Variants in FGF12 observed in about 807,000 individuals in gnomAD.
The protein encoded by FGF12 is fibroblast growth factor 12B.
A neutral mutation model predicts 23.6 loss-of-function variants in FGF12; 14 were observed. The observed-to-expected ratio is 0.59, with a 90% CI of 0.39 to 0.93. The LOEUF (loss-of-function observed/expected upper bound fraction) is 0.93. FGF12 is among the 40% of genes least tolerant of loss of function. The pLI, the probability that FGF12 is intolerant of heterozygous loss-of-function variation, is 0.00. For synonymous variants in FGF12, 62 were observed against 77.3 expected (o/e 0.80, Z 1.04); for missense variants, 175 against 217.8 (o/e 0.80, Z 1.24).
chr3:192,216,731 A>T (rs981712009), intron 4 of FGF12, among the ~76,000 whole-genome samples: 2 of 152,176 alleles, frequency 1.3e-5, no homozygotes, highest in African/African-American at 2.4e-5. Context: ...AAAATTGTGG[A>T]GCTGAAAATA....
intron 2 of FGF12, among the ~76,000 whole-genome samples, chr3:192,544,848 T>A (rs1725458079): frequency 1.3e-5 from 2 of 152,200 alleles, no homozygotes; most frequent in African/African-American, 2.4e-5. Context: ...GTCGTGAGTA[T>A]AGCAGACCTT....
intron 2 of FGF12, among the ~76,000 whole-genome samples, chr3:192,553,702 C>G (rs146216514): frequency 8.4e-4 from 128 of 152,228 alleles, no homozygotes; most frequent in African/African-American, 2.7e-3. Flanking sequence ...CCCCCCAACC[C>G]CCGGCTCAGA....
chr3:192,437,730 A>C (rs199902659), intron 2 of FGF12, among the ~76,000 whole-genome samples: 8,469 of 151,976 alleles, frequency 0.056, 269 homozygotes, highest in African/African-American at 0.087. Flanking sequence ...AAAAAAAAAA[A>C]CAGTGAGCAA....
chr3:192,563,767 G>A (rs1712147100), intron 2 of FGF12, among the ~76,000 whole-genome samples: 1 of 152,158 alleles, frequency 6.6e-6, no homozygotes, highest in Non-Finnish European at 1.5e-5. Context: ...TTGAACTTTG[G>A]ATCCAGATTG....
At chr3:192,187,594 A>G (rs2108642723) in intron 4 of FGF12, among the ~76,000 whole-genome samples, 1 of 152,342 alleles carries the variant, frequency 6.6e-6, no homozygotes, top group East Asian at 1.9e-4. Flanking sequence ...TTGCAGTCAA[A>G]GAATTTGCCA....
rs1296641033 is a variant in FGF12, at chr3:192,142,418, TAGG to T, written c.*1588_*1590del. 2 of 152,518 alleles carry T rather than the reference TAGG, an allele frequency of 1.3e-5. No individual in the cohort carries two copies. The highest frequency in any genetic ancestry group is 4.8e-5 in the African/African-American group (2 of 41,448). 9.4% of individuals were successfully genotyped at this position (152,518 alleles called of 1,614,324 possible). Reference sequence around the variant, plus strand: ...CAATACATGCTGGACAGTAGAGATATAGGAGAAGTTACATGCTATGTCTTCTCA... The same window carrying T: ...CAATACATGCTGGACAGTAGAGATATAGAAGTTACATGCTATGTCTTCTCA... On this transcript the variant is annotated 3_prime_UTR_variant, in exon 6 of 6. Transcript: ENST00000445105.
intron 4 of FGF12, among the ~76,000 whole-genome samples, chr3:192,171,201 T>C (rs78793432): frequency 6.6e-6 from 1 of 152,034 alleles, no homozygotes; most frequent in East Asian, 1.9e-4. Flanking sequence ...TCCTTAGTAA[T>C]CAAAATCTCA....
intron 2 of FGF12, among the ~76,000 whole-genome samples, chr3:192,414,279 G>A (rs1721280615): frequency 6.6e-6 from 1 of 152,154 alleles, no homozygotes; most frequent in South Asian, 2.1e-4. Context: ...ACTCTATGAG[G>A]TAAGTTCTGT....
intron 4 of FGF12, among the ~76,000 whole-genome samples, chr3:192,196,908 C>T (rs908377483): frequency 6.6e-6 from 1 of 151,634 alleles, no homozygotes; most frequent in Non-Finnish European, 1.5e-5. Flanking sequence ...CAGAAAATAA[C>T]TTAATAAGAC....
chr3:192,292,082 C>T (rs766139386), intron 4 of FGF12, among the ~76,000 whole-genome samples: 53 of 152,190 alleles, frequency 3.5e-4, no homozygotes, highest in Non-Finnish European at 5.6e-4. Context: ...CTAACATTCA[C>T]ACCAAATTTT....
intron 4 of FGF12, among the ~76,000 whole-genome samples, chr3:192,272,977 T>C (rs1713543076): frequency 6.6e-6 from 1 of 152,072 alleles, no homozygotes; most frequent in Admixed American, 6.6e-5. Flanking sequence ...GAGAAGAAAA[T>C]GGTGAATAAA....
intron 2 of FGF12, among the ~76,000 whole-genome samples, chr3:192,530,806 T>G (rs1008553909): frequency 6.6e-6 from 1 of 151,670 alleles, no homozygotes; most frequent in Non-Finnish European, 1.5e-5. Context: ...TTTTATGGTA[T>G]CTGAATTGCA....
intron 4 of FGF12, among the ~76,000 whole-genome samples, chr3:192,196,780 C>T (rs1191858528): frequency 6.6e-6 from 1 of 152,130 alleles, no homozygotes; most frequent in Non-Finnish European, 1.5e-5. Flanking sequence ...GACAATTTGA[C>T]AGTCTTGAGC....
At chr3:192,713,257 G>A (rs967905170) in intron 2 of FGF12, among the ~76,000 whole-genome samples, 3 of 152,176 alleles carry the variant, frequency 2.0e-5, no homozygotes, top group African/African-American at 7.2e-5. Context: ...ATGTGATAAA[G>A]GGAGAGACTT....
intron 2 of FGF12, among the ~76,000 whole-genome samples, chr3:192,701,105 A>C (rs187911768): frequency 6.6e-6 from 1 of 152,138 alleles, no homozygotes; most frequent in Admixed American, 6.5e-5. Flanking sequence ...TTTCATTTGC[A>C]TGATAAAACC....
At chr3:192,603,827 A>T (rs1385149435) in intron 2 of FGF12, among the ~76,000 whole-genome samples, 2 of 152,158 alleles carry the variant, frequency 1.3e-5, no homozygotes, top group African/African-American at 4.8e-5. Context: ...TATTGTCTTG[A>T]TAAACATCTT....
At position 192,514,332 on chromosome 3, in the gene FGF12, G is replaced by A. The variant is rs1251486172; in HGVS notation, c.14-153794C>T. On this transcript the variant is annotated intron_variant, in intron 2 of 5. Coordinates refer to ENST00000445105, the MANE Select transcript of FGF12 (RefSeq NM_004113.6). The surrounding 1 kb of genome is among the most constrained non-coding windows in gnomAD (Gnocchi z 4.9). ...ACTGAACAACTCCAAGTCGCGCGCC[G>A]CCCTCGCAAATCGCAGAGAGGGCCG... 6.6e-6 allele frequency among the ~76,000 whole-genome samples: 1 copy of A among 152,190 alleles called. No homozygotes were observed. The highest frequency in any genetic ancestry group is 1.9e-4 in the East Asian group (1 of 5,166).
At chr3:192,226,070 TG>T (rs1718717186) in intron 4 of FGF12, among the ~76,000 whole-genome samples, 1 of 152,130 alleles carries the variant, frequency 6.6e-6, no homozygotes. Context: ...TAAAACACAC[TG>T]AAGTCTCCAA....
At chr3:192,625,608 T>A (rs575655781) in intron 2 of FGF12, among the ~76,000 whole-genome samples, 1 of 152,102 alleles carries the variant, frequency 6.6e-6, no homozygotes, top group Non-Finnish European at 1.5e-5. Flanking sequence ...AGATTCTAGG[T>A]TTTTTCTTAA....
Sources: gnomAD v4.1 joint callset for allele counts (sites outside exome capture counted in the v4.1 genomes callset) on GRCh38, gnomAD v4.1.1 for gene constraint, Gnocchi (gnomAD v3.1) non-coding constraint, MANE v1.5 for transcripts, NCBI Gene and HGNC (gene_info 2026-07-23, HGNC 2026-07-21) for gene names.